Variants in PTPRR observed in about 807,000 individuals in gnomAD.
PTPRR encodes the protein receptor-type tyrosine-protein phosphatase R.
A neutral mutation model predicts 77.2 loss-of-function variants in PTPRR; 38 were observed. The observed-to-expected ratio is 0.49, with a 90% CI of 0.38 to 0.65. PTPRR has a LOEUF of 0.65. Ranked by LOEUF, PTPRR falls within the 30% of genes least tolerant of loss-of-function variation. PTPRR has a pLI of 0.00. For synonymous variants in PTPRR, 299 were observed against 283.1 expected (o/e 1.06, Z -0.57); for missense variants, 744 against 799.2 (o/e 0.93, Z 0.83).
At chr12:70,718,261 G>A (rs1384384151) in intron 6 of PTPRR, among the ~76,000 whole-genome samples, 1 of 151,254 alleles carries the variant, frequency 6.6e-6, no homozygotes, top group African/African-American at 2.4e-5. Flanking sequence ...ATACCTCATG[G>A]TCCACTGTTT....
At chr12:70,756,904 A>T (rs1890577070) in intron 4 of PTPRR, among the ~76,000 whole-genome samples, 1 of 152,206 alleles carries the variant, frequency 6.6e-6, no homozygotes, top group African/African-American at 2.4e-5. Flanking sequence ...AGTACACAGA[A>T]TAAGAATGAA....
At chr12:70,809,469 T>A (rs1891771075) in intron 2 of PTPRR, among the ~76,000 whole-genome samples, 1 of 152,220 alleles carries the variant, frequency 6.6e-6, no homozygotes, top group Non-Finnish European at 1.5e-5. Context: ...GTAATCTACT[T>A]GCCCATCTTT....
chr12:70,646,126 C>T (rs527987332), intron 13 of PTPRR, among the ~76,000 whole-genome samples: 1 of 152,300 alleles, frequency 6.6e-6, no homozygotes, highest in African/African-American at 2.4e-5. Context: ...AAGTTTGGTA[C>T]AGTAAATTTA....
chr12:70,668,818 A>G (rs1249104971), intron 10 of PTPRR, among the ~76,000 whole-genome samples: 1 of 152,192 alleles, frequency 6.6e-6, no homozygotes, highest in East Asian at 1.9e-4. Flanking sequence ...AAATTTAAAT[A>G]AAGAAACTCT....
chr12:70,904,937 G>T (rs929729560), intron 1 of PTPRR, among the ~76,000 whole-genome samples: 1 of 151,740 alleles, frequency 6.6e-6, no homozygotes, highest in Non-Finnish European at 1.5e-5. Context: ...GGAAAGATAG[G>T]GTTGAGGGAT....
In PTPRR at chr12:70,745,889, C is replaced by T; in HGVS notation, c.936G>A (p.Glu312=). Reference sequence around the variant, plus strand: ...CAGAGGTAGCGGTGGTAGCTTTGATCTCAGGAGCACCTCGGCCTTGAGGGT... The same window carrying T: ...CAGAGGTAGCGGTGGTAGCTTTGATTTCAGGAGCACCTCGGCCTTGAGGGT... The part of the protein sequence containing the change: ...VVDPQGRGAP[E]IKATTATSVC... The change falls in exon 6 of 14, where the codon GAG becomes GAA. Residue 312 remains glutamate, a synonymous_variant. Coordinates refer to ENST00000283228, the MANE Select transcript of PTPRR (RefSeq NM_002849.4). 6.2e-7 allele frequency: 1 copy of T among 1,613,996 alleles called. No homozygotes were observed. The highest frequency in any genetic ancestry group is 8.5e-7 in the Non-Finnish European group (1 of 1,179,984).
chr12:70,692,576 G>A (rs182487346), intron 8 of PTPRR, among the ~76,000 whole-genome samples: 97 of 152,260 alleles, frequency 6.4e-4, no homozygotes, highest in African/African-American at 2.2e-3. Flanking sequence ...CTCACCAACA[G>A]CTGCTTTCCC....
At chr12:70,661,897 G>A (rs1046544124) in intron 11 of PTPRR, among the ~76,000 whole-genome samples, 3 of 152,128 alleles carry the variant, frequency 2.0e-5, no homozygotes, top group Non-Finnish European at 2.9e-5. Flanking sequence ...AGATAAGATC[G>A]AAATTTTTGG....
intron 2 of PTPRR, among the ~76,000 whole-genome samples, chr12:70,833,416 T>C (rs1262623120): frequency 6.6e-6 from 1 of 152,118 alleles, no homozygotes; most frequent in Non-Finnish European, 1.5e-5. Flanking sequence ...TGATTAGTTT[T>C]GTGCTTGTTA....
intron 1 of PTPRR, among the ~76,000 whole-genome samples, chr12:70,901,461 T>G (rs957852426): frequency 6.6e-6 from 1 of 151,682 alleles, no homozygotes; most frequent in African/African-American, 2.4e-5. Flanking sequence ...CCCAACTACT[T>G]ACAGCCAAAT....
chr12:70,829,619 G>A (rs990622926), intron 2 of PTPRR, among the ~76,000 whole-genome samples: 5 of 152,182 alleles, frequency 3.3e-5, no homozygotes, highest in Non-Finnish European at 7.3e-5. Context: ...ACCAAGGGAT[G>A]TTATCATCAA....
intron 2 of PTPRR, among the ~76,000 whole-genome samples, chr12:70,857,993 C>T (rs1472468664): frequency 2.0e-5 from 3 of 152,062 alleles, no homozygotes; most frequent in Non-Finnish European, 4.4e-5. Context: ...GCTGCTGCAT[C>T]TTCAAGATGT....
At chr12:70,747,527 A>T (rs1890252801) in intron 5 of PTPRR, among the ~76,000 whole-genome samples, 1 of 152,228 alleles carries the variant, frequency 6.6e-6, no homozygotes, top group Non-Finnish European at 1.5e-5. Flanking sequence ...TGGGAAAGCC[A>T]AGGAAATCTT....
chr12:70,907,840 G>T (rs944067878), intron 1 of PTPRR, among the ~76,000 whole-genome samples: 4 of 152,080 alleles, frequency 2.6e-5, no homozygotes, highest in African/African-American at 9.7e-5. Context: ...GCTACTATAT[G>T]TTAAATGTTA....
intron 2 of PTPRR, among the ~76,000 whole-genome samples, chr12:70,783,266 G>C (rs1891242735): frequency 6.6e-6 from 1 of 152,170 alleles, no homozygotes; most frequent in Admixed American, 6.5e-5. Flanking sequence ...GGAGTGTTCA[G>C]CTCTCAGCAG....
chr12:70,914,966 C>G (rs1448506395), intron 1 of PTPRR, among the ~76,000 whole-genome samples: 1 of 152,052 alleles, frequency 6.6e-6, no homozygotes, highest in African/African-American at 2.4e-5. Flanking sequence ...GAATCTTTGA[C>G]GTGCAAGTCT....
intron 2 of PTPRR, among the ~76,000 whole-genome samples, chr12:70,884,765 C>A (rs1375152322): frequency 2.7e-5 from 4 of 148,360 alleles, no homozygotes; most frequent in African/African-American, 9.9e-5. Flanking sequence ...CCAGCTACTC[C>A]GGAGGCTGAG....
chr12:70,903,571 T>C (rs1204611022), intron 1 of PTPRR, among the ~76,000 whole-genome samples: 2 of 151,840 alleles, frequency 1.3e-5, no homozygotes, highest in Non-Finnish European at 2.9e-5. Flanking sequence ...TCACACTTTA[T>C]ACAAAATTAA....
intron 10 of PTPRR, among the ~76,000 whole-genome samples, chr12:70,681,688 T>G (rs761152176): frequency 8.9e-4 from 135 of 152,242 alleles, no homozygotes; most frequent in Non-Finnish European, 1.5e-3. Flanking sequence ...ATTTGTTGTT[T>G]TGGCTCTTTT....
Sources: gnomAD v4.1 joint callset for allele counts (sites outside exome capture counted in the v4.1 genomes callset) on GRCh38, gnomAD v4.1.1 for gene constraint, MANE v1.5 for transcripts, NCBI Gene and HGNC (gene_info 2026-07-23, HGNC 2026-07-21) for gene names.